Variants in CDK6 observed in about 807,000 individuals in gnomAD.
The protein encoded by CDK6 is cyclin-dependent kinase 6.
CDK6 carries 6 observed loss-of-function variants against 37.1 expected under a neutral mutation model. The observed-to-expected ratio is 0.16, with a 90% confidence interval of 0.09 to 0.32. The LOEUF (loss-of-function observed/expected upper bound fraction) is 0.32. Among genes scored for constraint, CDK6 ranks in the 10% least tolerant of loss-of-function variants. The pLI is 1.00. For synonymous variants in CDK6, 160 were observed against 161.3 expected, an observed-to-expected ratio of 0.99 and a Z score of 0.06; for missense variants, 224 against 418.9, an observed-to-expected ratio of 0.53 and a Z score of 4.06.
intron 3 of CDK6, among the ~76,000 whole-genome samples, chr7:92,757,135 A>AAGTACTGTAATAT (rs1799337371): frequency 6.6e-6 from 1 of 152,192 alleles, no homozygotes; most frequent in Admixed American, 6.5e-5. Context: ...TCTGATAACA[A>AAGTACTGTAATAT]AGTACTGTAA....
chr7:92,708,862 C>A (rs1400298989), intron 4 of CDK6, among the ~76,000 whole-genome samples: 1 of 152,140 alleles, frequency 6.6e-6, no homozygotes, highest in Non-Finnish European at 1.5e-5. Context: ...ATATTCAATA[C>A]CACTGCCAGT....
At chr7:92,755,343 G>C (rs535025113) in intron 3 of CDK6, among the ~76,000 whole-genome samples, 1 of 151,430 alleles carries the variant, frequency 6.6e-6, no homozygotes, top group African/African-American at 2.4e-5. Context: ...TTTTTTTAAC[G>C]GTCATTTCCT....
chr7:92,665,471 C>A (rs946298569), intron 5 of CDK6, among the ~76,000 whole-genome samples: 14 of 152,180 alleles, frequency 9.2e-5, no homozygotes, highest in African/African-American at 3.4e-4. Flanking sequence ...TTGTAGAATA[C>A]TTCTGTGGGC....
intron 2 of CDK6, among the ~76,000 whole-genome samples, chr7:92,800,161 T>C (rs2115894721): frequency 6.6e-6 from 1 of 152,302 alleles, no homozygotes; most frequent in South Asian, 2.1e-4. Context: ...AGGCCACCAT[T>C]ATTTTTTCTC....
intron 5 of CDK6, among the ~76,000 whole-genome samples, chr7:92,631,995 A>G (rs991186669): frequency 6.6e-6 from 1 of 152,104 alleles, no homozygotes; most frequent in African/African-American, 2.4e-5. Context: ...TACTACATAC[A>G]TTACGGTAAC....
At chr7:92,715,515 A>G (rs1798209858) in intron 4 of CDK6, among the ~76,000 whole-genome samples, 1 of 152,228 alleles carries the variant, frequency 6.6e-6, no homozygotes, top group East Asian at 1.9e-4. Flanking sequence ...GGATTTAAAA[A>G]TCATCAGTAT....
At chr7:92,618,708 C>T (rs2116486553) in intron 6 of CDK6, among the ~76,000 whole-genome samples, 1 of 152,244 alleles carries the variant, frequency 6.6e-6, no homozygotes. Flanking sequence ...GAGCAATTCC[C>T]TACATATTAA....
intron 4 of CDK6, among the ~76,000 whole-genome samples, chr7:92,675,871 G>T (rs980168315): frequency 6.6e-6 from 1 of 151,992 alleles, no homozygotes; most frequent in Non-Finnish European, 1.5e-5. Flanking sequence ...ACTTAAATTT[G>T]AACATAGTAT....
chr7:92,724,516 A>AT (rs1489714599), intron 4 of CDK6, among the ~76,000 whole-genome samples: 1 of 151,828 alleles, frequency 6.6e-6, no homozygotes, highest in African/African-American at 2.4e-5. Context: ...TATAAATTGG[A>AT]TTTTTTCCTA....
At chr7:92,778,527 T>C (rs1465352044) in intron 2 of CDK6, among the ~76,000 whole-genome samples, 1 of 152,172 alleles carries the variant, frequency 6.6e-6, no homozygotes, top group East Asian at 1.9e-4. Flanking sequence ...TCAAAACAGT[T>C]CTTTTGCCTT....
chr7:92,738,743 T>C (rs1243456614), intron 3 of CDK6, among the ~76,000 whole-genome samples: 2 of 152,098 alleles, frequency 1.3e-5, no homozygotes, highest in Non-Finnish European at 2.9e-5. Flanking sequence ...AGAGTACAGG[T>C]ATCCAAGTTT....
chr7:92,698,449 T>C (rs115302611), intron 4 of CDK6, among the ~76,000 whole-genome samples: 170 of 152,328 alleles, frequency 1.1e-3, no homozygotes, highest in African/African-American at 3.9e-3. Flanking sequence ...TGTGCTTTTT[T>C]TTCCCCCAGT....
At chr7:92,737,046 C>T (rs532065059) in intron 3 of CDK6, among the ~76,000 whole-genome samples, 1 of 152,150 alleles carries the variant, frequency 6.6e-6, no homozygotes, top group Non-Finnish European at 1.5e-5. Flanking sequence ...TTCGTTTCTT[C>T]ATCTGTAAAA....
At chr7:92,735,626 C>G (rs1219336826) in intron 3 of CDK6, among the ~76,000 whole-genome samples, 3 of 152,212 alleles carry the variant, frequency 2.0e-5, no homozygotes, top group African/African-American at 7.2e-5. Context: ...CCTTGAGGAA[C>G]AGGAATGCAA....
chr7:92,702,277 G>C (rs1471202697), intron 4 of CDK6, among the ~76,000 whole-genome samples: 3 of 112,820 alleles, frequency 2.7e-5, no homozygotes, highest in South Asian at 3.1e-4. Flanking sequence ...CTGTCGCCCA[G>C]GCTGGAGTGC....
At position 92,769,255 on chromosome 7, in the gene CDK6, T is replaced by A. The variant is rs553950264; in HGVS notation, c.369+5441A>T. On this transcript the variant is annotated intron_variant, in intron 3 of 7. Transcript: ENST00000424848. ...AATTGAAGATAAAATGAAATCTAAT[T>A]CACAGAGAAAACGACCCACACAGAC... 1.9e-3 allele frequency among the ~76,000 whole-genome samples: 283 copies of A among 152,248 alleles called. 2 individuals carry two copies. Among genetic ancestry groups the A allele is most frequent in the African/African-American group, 6.2e-3 (259 of 41,554 alleles).
intron 2 of CDK6, among the ~76,000 whole-genome samples, chr7:92,794,528 T>C (rs993848385): frequency 6.6e-6 from 1 of 152,170 alleles, no homozygotes; most frequent in Non-Finnish European, 1.5e-5. Flanking sequence ...GTGATTTTTG[T>C]GCTGTGCCTC....
chr7:92,608,832 G>C lies in CDK6; in HGVS notation c.*6308C>G, dbSNP rs1451724443. ...GCACCGGCAGGTGAGTGGGAGGCGG[G>C]GCCCCAGCCCGGCCTCGCCCACTGC... is the stretch of plus-strand genomic sequence containing the variant. On this transcript the variant is annotated 3_prime_UTR_variant, in exon 8 of 8. Transcript: ENST00000424848. 3 of 232,036 alleles carry C rather than the reference G, an allele frequency of 1.3e-5. No individual in the cohort carries two copies. Among genetic ancestry groups the C allele is most frequent in the African/African-American group, 6.6e-5 (3 of 45,244 alleles). The allele number at this position is 232,036 out of a possible 1,614,324, so 14.4% of individuals were successfully genotyped here.
intron 5 of CDK6, among the ~76,000 whole-genome samples, chr7:92,641,755 G>A (rs981090150): frequency 1.3e-5 from 2 of 152,174 alleles, no homozygotes; most frequent in Non-Finnish European, 2.9e-5. Flanking sequence ...CACCTGAGAT[G>A]GGAGAGGATA....
Sources: allele counts gnomAD v4.1 joint callset (sites outside exome capture counted in the v4.1 genomes callset), GRCh38; gene constraint gnomAD v4.1.1; transcripts MANE v1.5; gene names NCBI Gene and HGNC (gene_info 2026-07-23, HGNC 2026-07-21).